Variants in CDH13 observed in about 807,000 individuals in gnomAD.
The protein encoded by CDH13 is cadherin 13, also known as cadherin-13.
A neutral mutation model predicts 63.8 loss-of-function variants in CDH13; 24 were observed. The ratio of observed to expected loss-of-function variants is 0.38; its 90% CI spans 0.27 to 0.53. The LOEUF (loss-of-function observed/expected upper bound fraction) is 0.53, where lower values mean the gene tolerates loss of function less well. CDH13 is among the 20% of genes least tolerant of loss of function. The probability of loss-of-function intolerance (pLI) is 0.85; values close to 1 mark genes in which losing one functional copy is unlikely to be tolerated. For missense variants in CDH13, 1,049 were observed against 903.1 expected, an observed-to-expected ratio of 1.16 and a Z score of -2.07; for synonymous variants, 503 against 355.3, an observed-to-expected ratio of 1.42 and a Z score of -4.67.
chr16:83,527,543 C>G (rs2074992805), intron 7 of CDH13, among the ~76,000 whole-genome samples: 1 of 152,226 alleles, frequency 6.6e-6, no homozygotes, highest in Non-Finnish European at 1.5e-5. Flanking sequence ...AAAACTACAT[C>G]TACCCACAGC....
intron 1 of CDH13, among the ~76,000 whole-genome samples, chr16:82,778,998 G>T (rs1189701691): frequency 6.6e-6 from 1 of 152,210 alleles, no homozygotes; most frequent in Non-Finnish European, 1.5e-5. Context: ...TCAGATGGAA[G>T]AATTGAGATC....
chr16:82,698,932 T>C (rs2030660571), intron 1 of CDH13, among the ~76,000 whole-genome samples: 1 of 152,182 alleles, frequency 6.6e-6, no homozygotes, highest in African/African-American at 2.4e-5. Context: ...CTTTTTCTTT[T>C]AATAATCCTT....
At chr16:82,958,490 A>C (rs1906463595) in intron 2 of CDH13, among the ~76,000 whole-genome samples, 1 of 152,198 alleles carries the variant, frequency 6.6e-6, no homozygotes, top group Admixed American at 6.5e-5. Context: ...ATCCTGAAAA[A>C]TTTGATTATT....
chr16:82,994,981 A>G (rs747123230), intron 2 of CDH13, among the ~76,000 whole-genome samples: 3 of 152,308 alleles, frequency 2.0e-5, no homozygotes, highest in Non-Finnish European at 2.9e-5. Flanking sequence ...TAATTATACT[A>G]TTGATCCTGT....
intron 11 of CDH13, among the ~76,000 whole-genome samples, chr16:83,757,764 G>A (rs1191159933): frequency 1.3e-5 from 2 of 151,982 alleles, no homozygotes; most frequent in African/African-American, 2.4e-5. Flanking sequence ...ATTATGAACG[G>A]CATTATGCAA....
At chr16:83,039,418 C>T (rs1917145399) in intron 3 of CDH13, among the ~76,000 whole-genome samples, 1 of 152,214 alleles carries the variant, frequency 6.6e-6, no homozygotes, top group African/African-American at 2.4e-5. Context: ...CCCTTCCTGT[C>T]ACCCTCGCCT....
chr16:83,571,163 G>A (rs1169320933), intron 7 of CDH13, among the ~76,000 whole-genome samples: 1 of 151,788 alleles, frequency 6.6e-6, no homozygotes, highest in Admixed American at 6.6e-5. Context: ...GACTATCAGG[G>A]AGAATTTCCC....
At chr16:82,930,127 C>T (rs1223690079) in intron 2 of CDH13, among the ~76,000 whole-genome samples, 1 of 144,716 alleles carries the variant, frequency 6.9e-6, no homozygotes, top group African/African-American at 2.5e-5. Flanking sequence ...TCACTACAAC[C>T]TCTGCCTCCC....
In CDH13 at chr16:82,879,985, TTA is replaced by T. The variant is rs2040643027; in HGVS notation, c.157+21518_157+21519del. Among the ~76,000 whole-genome samples, 3 of 146,972 alleles carry T rather than the reference TTA, an allele frequency of 2.0e-5. No individual in the cohort carries two copies. In the South Asian group the frequency reaches 6.3e-4, roughly 31 times the overall value. On this transcript the variant is annotated intron_variant, in intron 2 of 13. Coordinates refer to ENST00000567109, the MANE Select transcript of CDH13 (RefSeq NM_001257.5). ...ATCATTATATATAGATCCATACAGA[TTA>T]TATATTAATATATAATAGATTATAT... is the stretch of plus-strand genomic sequence containing the variant.
intron 6 of CDH13, among the ~76,000 whole-genome samples, chr16:83,461,611 A>T (rs751795269): frequency 5.3e-5 from 8 of 152,228 alleles, no homozygotes; most frequent in Non-Finnish European, 1.2e-4. Context: ...GTGTCTGCCC[A>T]GAGAGCTAAT....
chr16:83,443,737 TATATATA>T (rs1250120193), intron 6 of CDH13, among the ~76,000 whole-genome samples: 2 of 10,846 alleles, frequency 1.8e-4, no homozygotes, highest in Non-Finnish European at 3.5e-4. Context: ...AAAAAAAAAA[TATATATA>T]TATATATATA....
Position 83,053,366 on chromosome 16 carries a change from T to C in CDH13, c.366+21148T>C, listed in dbSNP as rs1202211413. Among the ~76,000 whole-genome samples the C allele has an allele frequency of 2.0e-5, 3 of 152,134 alleles. No homozygotes were observed. The East Asian group carries it at 5.8e-4, about 29-fold the overall frequency. ...TCTTTCTTTTTTGGCTTTCTATATGTCTTCATTTTCAGACAACCTCTCTCC... is the reference window on the plus strand; with the variant it reads ...TCTTTCTTTTTTGGCTTTCTATATGCCTTCATTTTCAGACAACCTCTCTCC... On this transcript the variant is annotated intron_variant, in intron 3 of 13. Coordinates refer to ENST00000567109, the MANE Select transcript of CDH13 (RefSeq NM_001257.5).
intron 5 of CDH13, among the ~76,000 whole-genome samples, chr16:83,242,398 G>T (rs1031905290): frequency 6.6e-6 from 1 of 152,004 alleles, no homozygotes; most frequent in Admixed American, 6.6e-5. Flanking sequence ...TGAAAGTGCC[G>T]TTAGAAAAAT....
chr16:83,369,024 A>ATGCATG (rs2091312499), intron 6 of CDH13, among the ~76,000 whole-genome samples: 1 of 149,408 alleles, frequency 6.7e-6, no homozygotes, highest in Non-Finnish European at 1.5e-5. Context: ...TGCTATAAAC[A>ATGCATG]TGCATGTGCA....
chr16:82,902,657 C>A (rs1303019743), intron 2 of CDH13, among the ~76,000 whole-genome samples: 1 of 151,376 alleles, frequency 6.6e-6, no homozygotes, highest in Non-Finnish European at 1.5e-5. Context: ...TAATCAGTGT[C>A]ATATTCATTA....
intron 1 of CDH13, among the ~76,000 whole-genome samples, chr16:82,803,530 G>A (rs2219658): frequency 0.056 from 8,488 of 152,236 alleles, 294 homozygotes; most frequent in Non-Finnish European, 0.068. Context: ...GGGAAGTTTA[G>A]GGAACGACTC....
chr16:83,411,703 T>C (rs1050893564), intron 6 of CDH13, among the ~76,000 whole-genome samples: 4 of 152,208 alleles, frequency 2.6e-5, no homozygotes, highest in African/African-American at 9.6e-5. Flanking sequence ...ATGTCCCTAG[T>C]ACACATTACA....
At chr16:82,972,229 C>T (rs528659697) in intron 2 of CDH13, among the ~76,000 whole-genome samples, 1 of 151,572 alleles carries the variant, frequency 6.6e-6, no homozygotes, top group South Asian at 2.1e-4. Context: ...GAGGAGGACC[C>T]TATGACAGAA....
chr16:83,199,030 G>A (rs1371683387), intron 4 of CDH13, among the ~76,000 whole-genome samples: 1 of 152,130 alleles, frequency 6.6e-6, no homozygotes, highest in East Asian at 1.9e-4. Flanking sequence ...AGGGAACTTG[G>A]GAGAAAAGAC....
Sources: allele counts gnomAD v4.1 joint callset (sites outside exome capture counted in the v4.1 genomes callset), GRCh38; gene constraint gnomAD v4.1.1; transcripts MANE v1.5; gene names NCBI Gene and HGNC (gene_info 2026-07-23, HGNC 2026-07-21).